The following NEGR1 variants were observed in gnomAD, a reference collection of about 807,000 sequenced individuals.
The protein encoded by NEGR1 is neuronal growth regulator 1, also known as IgLON family member 4.
A neutral mutation model predicts 40.9 loss-of-function variants in NEGR1; 10 were observed. That is an observed-to-expected ratio of 0.24 (90% CI 0.15 to 0.42). NEGR1 has a LOEUF of 0.42. NEGR1 is among the 10% of genes least tolerant of loss of function. The probability of loss-of-function intolerance (pLI) is 1.00; values close to 1 mark genes in which losing one functional copy is unlikely to be tolerated. For missense variants in NEGR1, 352 were observed against 438.9 expected (o/e 0.80, Z 1.77); for synonymous variants, 185 against 166.8 (o/e 1.11, Z -0.84).
At chr1:71,789,914 C>G (rs545662635) in intron 2 of NEGR1, among the ~76,000 whole-genome samples, 2 of 152,158 alleles carry the variant, frequency 1.3e-5, no homozygotes, top group East Asian at 3.9e-4. Context: ...TTGCATACAC[C>G]TAACTATCAT....
intron 1 of NEGR1, among the ~76,000 whole-genome samples, chr1:72,235,659 T>C (rs977973480): frequency 4.6e-5 from 7 of 152,086 alleles, no homozygotes; most frequent in Admixed American, 3.9e-4. Flanking sequence ...ATTGACTTAA[T>C]AAAGAACAAT....
chr1:71,597,472 C>CTCTCTCTGTGTGTGTGTGTGTGTGTGTG (rs756076229), intron 5 of NEGR1, among the ~76,000 whole-genome samples: 3 of 31,318 alleles, frequency 9.6e-5, no homozygotes, highest in African/African-American at 3.0e-4. Context: ...CTCTCTCTCT[C>CTCTCTCTGTGTGTGTGTGTGTGTGTGTG]TGTGTGTGTG....
At chr1:71,675,784 T>C (rs1652608797) in intron 4 of NEGR1, among the ~76,000 whole-genome samples, 1 of 46,346 alleles carries the variant, frequency 2.2e-5, no homozygotes, top group African/African-American at 6.0e-5. Context: ...TTGTTGTTGT[T>C]GTTTGTTTTT....
chr1:71,434,618 G>A (rs922664729), intron 6 of NEGR1, among the ~76,000 whole-genome samples: 1 of 152,182 alleles, frequency 6.6e-6, no homozygotes, highest in Non-Finnish European at 1.5e-5. Context: ...CACCATTGGA[G>A]TCACAAGAAG....
At chr1:71,929,136 T>A (rs1645830408) in intron 2 of NEGR1, among the ~76,000 whole-genome samples, 1 of 152,118 alleles carries the variant, frequency 6.6e-6, no homozygotes. Context: ...AGCTTTGTTA[T>A]CTAGTTATTG....
intron 6 of NEGR1, among the ~76,000 whole-genome samples, chr1:71,467,172 C>G (rs1646752686): frequency 3.3e-5 from 5 of 151,976 alleles, no homozygotes; most frequent in Admixed American, 3.3e-4. Flanking sequence ...TGGCTCAAAG[C>G]TGAAGGTTGG....
intron 1 of NEGR1, among the ~76,000 whole-genome samples, chr1:72,056,278 G>C (rs542418438): frequency 6.6e-6 from 1 of 151,334 alleles, no homozygotes; most frequent in African/African-American, 2.4e-5. Context: ...TGTGAATAGA[G>C]AGACCTTAAT....
At chr1:72,078,645 A>AT (rs34230422) in intron 1 of NEGR1, among the ~76,000 whole-genome samples, 5,023 of 143,980 alleles carry the variant, frequency 0.035, 116 homozygotes, top group African/African-American at 0.059. Context: ...ATATTTATTT[A>AT]TTTTTTTTTT....
At chr1:72,216,384 C>CATATATATATATATATATACAT (rs56819538) in intron 1 of NEGR1, among the ~76,000 whole-genome samples, 13 of 129,248 alleles carry the variant, frequency 1.0e-4, no homozygotes, top group Middle Eastern at 8.4e-3. Flanking sequence ...TATATATATA[C>CATATATATATATATATATACAT]ATATATATAT....
intron 1 of NEGR1, among the ~76,000 whole-genome samples, chr1:72,105,477 G>A (rs1261140164): frequency 1.3e-5 from 2 of 151,966 alleles, no homozygotes; most frequent in East Asian, 3.9e-4. Context: ...GCCGAGGCAG[G>A]AGGATTGCTT....
intron 1 of NEGR1, among the ~76,000 whole-genome samples, chr1:72,108,994 C>T (rs1311882991): frequency 6.6e-6 from 1 of 151,486 alleles, no homozygotes; most frequent in East Asian, 1.9e-4. Flanking sequence ...CAATAACTTC[C>T]CGGGTAAGCA....
chr1:71,796,089 T>C (rs1657314792), intron 2 of NEGR1, among the ~76,000 whole-genome samples: 2 of 152,170 alleles, frequency 1.3e-5, no homozygotes, highest in Admixed American at 1.3e-4. Context: ...GATATTAACA[T>C]AGTTCTATAT....
At chr1:72,045,816 A>G (rs1646996606) in intron 1 of NEGR1, among the ~76,000 whole-genome samples, 1 of 139,912 alleles carries the variant, frequency 7.1e-6, no homozygotes, top group Admixed American at 7.4e-5. Flanking sequence ...CTACCATAGG[A>G]AAAATTAGAA....
intron 1 of NEGR1, among the ~76,000 whole-genome samples, chr1:72,064,581 T>C (rs998805301): frequency 6.6e-6 from 1 of 152,100 alleles, no homozygotes; most frequent in African/African-American, 2.4e-5. Context: ...ACAGTCCTTG[T>C]TGTCAGTTTA....
intron 6 of NEGR1, among the ~76,000 whole-genome samples, chr1:71,517,625 G>A (rs1459423824): frequency 7.0e-6 from 1 of 142,942 alleles, no homozygotes; most frequent in African/African-American, 2.7e-5. Context: ...ATATCATACT[G>A]AATGGGCAAA....
At chr1:71,550,890 C>T (rs937183344) in intron 6 of NEGR1, among the ~76,000 whole-genome samples, 1 of 151,558 alleles carries the variant, frequency 6.6e-6, no homozygotes, top group Non-Finnish European at 1.5e-5. Context: ...GAGATAAGCC[C>T]TACGTATTCA....
chr1:71,618,009 G>T (rs1405968710), intron 4 of NEGR1, among the ~76,000 whole-genome samples: 1 of 152,160 alleles, frequency 6.6e-6, no homozygotes, highest in Non-Finnish European at 1.5e-5. Context: ...CACTCCAGGG[G>T]AGAATGACAA....
intron 6 of NEGR1, among the ~76,000 whole-genome samples, chr1:71,411,740 C>T (rs1427745739): frequency 2.0e-5 from 3 of 152,118 alleles, no homozygotes. Context: ...TGGTTCATGC[C>T]TGTACTCCCA....
At chr1:71,453,154 C>G (rs535580801) in intron 6 of NEGR1, among the ~76,000 whole-genome samples, 1 of 152,192 alleles carries the variant, frequency 6.6e-6, no homozygotes, top group African/African-American at 2.4e-5. Flanking sequence ...ACTGAAGAAG[C>G]TATTATACTT....
Sources: allele counts gnomAD v4.1 joint callset (sites outside exome capture counted in the v4.1 genomes callset), GRCh38; gene constraint gnomAD v4.1.1; transcripts MANE v1.5; gene names NCBI Gene and HGNC (gene_info 2026-07-23, HGNC 2026-07-21).